Variants in CDH23 observed in about 807,000 individuals in gnomAD.
CDH23 encodes cadherin related 23.
In CDH23, 189 loss-of-function variants were observed where a neutral mutation model predicts 317.1. The ratio of observed to expected loss-of-function variants is 0.60; its 90% CI spans 0.53 to 0.67. The LOEUF (loss-of-function observed/expected upper bound fraction) is 0.67, where lower values mean the gene tolerates loss of function less well. Ranked by LOEUF, CDH23 falls within the 30% of genes least tolerant of loss-of-function variation. The probability of loss-of-function intolerance (pLI) is 0.00; values close to 1 mark genes in which losing one functional copy is unlikely to be tolerated. For missense variants in CDH23, 4,401 were observed against 4,592.4 expected, an observed-to-expected ratio of 0.96 and a Z score of 1.20; for synonymous variants, 1,839 against 1,876.8, an observed-to-expected ratio of 0.98 and a Z score of 0.52.
chr10:71,537,395 G>T (rs1262981353), intron 6 of CDH23, among the ~76,000 whole-genome samples: 1 of 152,186 alleles, frequency 6.6e-6, no homozygotes, highest in Non-Finnish European at 1.5e-5. Flanking sequence ...ATTTTCGTTT[G>T]CTAGCAGAAT....
intron 57 of CDH23, 48 bp downstream of exon 57, chr10:71,806,329 C>A (rs369892259): frequency 6.1e-6 from 8 of 1,320,664 alleles, no homozygotes; most frequent in Non-Finnish European, 8.5e-6. Flanking sequence ...CAGGGACTCA[C>A]CTGCCTGCAA....
chr10:71,730,133 G>A (rs148763469), intron 30 of CDH23, among the ~76,000 whole-genome samples: 19 of 152,252 alleles, frequency 1.2e-4, no homozygotes, highest in African/African-American at 1.7e-4. Flanking sequence ...CACCGCGCCC[G>A]GCCGAATTAT....
At chr10:71,543,203 G>A (rs1856080376) in intron 6 of CDH23, among the ~76,000 whole-genome samples, 1 of 152,216 alleles carries the variant, frequency 6.6e-6, no homozygotes, top group South Asian at 2.1e-4. Context: ...GAGTTGGGTG[G>A]GGACCCAAGT....
chr10:71,623,626 A>G (rs1861571454), intron 11 of CDH23, among the ~76,000 whole-genome samples: 1 of 151,636 alleles, frequency 6.6e-6, no homozygotes, highest in Non-Finnish European at 1.5e-5. Flanking sequence ...CACGGGAGAC[A>G]CTCCCCACTC....
At chr10:71,491,199 T>C (rs1484575268) in intron 3 of CDH23, among the ~76,000 whole-genome samples, 1 of 152,128 alleles carries the variant, frequency 6.6e-6, no homozygotes, top group African/African-American at 2.4e-5. Flanking sequence ...AGACCCTCCT[T>C]CCACACACTG....
intron 35 of CDH23, 89 bp downstream of exon 35, chr10:71,738,736 C>G: frequency 6.9e-7 from 1 of 1,448,276 alleles, no homozygotes; most frequent in Non-Finnish European, 9.3e-7. Context: ...GAGCCACCCC[C>G]ATCACCAAGC....
At position 71,732,236 on chromosome 10, in the gene CDH23, T is replaced by A; in HGVS notation, c.3965T>A (p.Ile1322Asn). ...QFSNASYEAA[I>N]LENLALGTEI... ...TCCAATGCCTCATACGAGGCTGCCATCCTGGAGAATCTGGCACTGGGTACT... is the reference window on the plus strand; with the variant it reads ...TCCAATGCCTCATACGAGGCTGCCAACCTGGAGAATCTGGCACTGGGTACT... The change falls in exon 32 of 70, where the codon ATC becomes AAC. Residue 1322 changes from isoleucine (I) to asparagine (N), a missense_variant. Ile to Asn is a moderately radical substitution (Grantham distance 149). This residue lies in a region of CDH23 where 3,068 missense variants were observed against 3,203.3 expected (regional missense o/e 0.96). Coordinates refer to ENST00000224721, the MANE Select transcript of CDH23 (RefSeq NM_022124.6). The A allele has an allele frequency of 1.2e-6, 2 of 1,613,716 alleles. No homozygotes were observed. Among genetic ancestry groups the A allele is most frequent in the Non-Finnish European group, 1.7e-6 (2 of 1,179,754 alleles).
intron 6 of CDH23, among the ~76,000 whole-genome samples, chr10:71,544,737 A>C (rs1351885361): frequency 6.6e-6 from 1 of 152,240 alleles, no homozygotes; most frequent in African/African-American, 2.4e-5. Flanking sequence ...CCACGAGGCA[A>C]AGAACTTTGG....
intron 6 of CDH23, among the ~76,000 whole-genome samples, chr10:71,512,874 G>C (rs1449455291): frequency 6.6e-6 from 1 of 152,206 alleles, no homozygotes; most frequent in Non-Finnish European, 1.5e-5. Flanking sequence ...GAGCCAGGCT[G>C]TCATTGTGCA....
At chr10:71,773,633 G>T (rs1037838220) in intron 38 of CDH23, 3 of 476,230 alleles carry the variant, frequency 6.3e-6, no homozygotes, top group Non-Finnish European at 1.1e-5. Flanking sequence ...TCCGAGGGCC[G>T]CGTGGGAGGG....
At chr10:71,778,431 C>G (rs1840869289) in intron 40 of CDH23, 123 bp downstream of exon 40, 1 of 1,289,270 alleles carries the variant, frequency 7.8e-7, no homozygotes, top group African/African-American at 1.5e-5. Flanking sequence ...AAATCCAAGA[C>G]CCCTGTCCTA....
At chr10:71,798,639 C>T in intron 50 of CDH23, 61 bp downstream of exon 50, 1 of 1,305,896 alleles carries the variant, frequency 7.7e-7, no homozygotes, top group South Asian at 1.4e-5. Context: ...GCTTAGTCCC[C>T]AAGAGAGACC....
intron 14 of CDH23, among the ~76,000 whole-genome samples, chr10:71,649,575 C>G (rs1251635941): frequency 2.6e-5 from 4 of 152,146 alleles, no homozygotes; most frequent in African/African-American, 9.7e-5. Flanking sequence ...CCTCCCAGGT[C>G]CCTGGACCTT....
chr10:71,509,961 G>A (rs1853863670), intron 3 of CDH23, 121 bp from the exon 4 acceptor site: 1 of 1,118,718 alleles, frequency 8.9e-7, no homozygotes, highest in Non-Finnish European at 1.3e-6. Context: ...ATGATCTGTG[G>A]CCTGCTGGAG....
chr10:71,487,599 AAC>A (rs1852421354), intron 3 of CDH23, among the ~76,000 whole-genome samples: 1 of 152,252 alleles, frequency 6.6e-6, no homozygotes, highest in African/African-American at 2.4e-5. Flanking sequence ...AATTATTAAA[AAC>A]ACAAGTTTAA....
intron 3 of CDH23, among the ~76,000 whole-genome samples, chr10:71,458,713 A>T (rs1422792309): frequency 6.6e-6 from 1 of 152,254 alleles, no homozygotes; most frequent in South Asian, 2.1e-4. Flanking sequence ...GTATTTACTA[A>T]TAGAGCTGCA....
At chr10:71,634,497 G>C (rs1279964568) in intron 11 of CDH23, among the ~76,000 whole-genome samples, 1 of 152,258 alleles carries the variant, frequency 6.6e-6, no homozygotes, top group Non-Finnish European at 1.5e-5. Context: ...GAGAATGGCA[G>C]ACCTTGAAGT....
At chr10:71,799,449 A>G (rs769909009) in intron 51 of CDH23, 43 bp from the exon 52 acceptor site, 3 of 1,613,340 alleles carry the variant, frequency 1.9e-6, no homozygotes, top group Non-Finnish European at 1.7e-6. Flanking sequence ...GGGCTCTGGG[A>G]CTGACCTTGG....
chr10:71,509,337 G>A (rs1404352316), intron 3 of CDH23, among the ~76,000 whole-genome samples: 1 of 152,206 alleles, frequency 6.6e-6, no homozygotes, highest in East Asian at 1.9e-4. Context: ...ACTGACTTAG[G>A]CCAAAGAAAA....
Sources: gnomAD v4.1 joint callset for allele counts (sites outside exome capture counted in the v4.1 genomes callset) on GRCh38, gnomAD v4.1.1 for gene constraint, gnomAD v4.1.1 regional missense constraint, MANE v1.5 for transcripts, NCBI Gene and HGNC (gene_info 2026-07-23, HGNC 2026-07-21) for gene names.